Variants in IGSF10 observed in about 807,000 individuals in gnomAD.
IGSF10 encodes the protein calvaria mechanical force protein 608.
IGSF10 carries 126 observed loss-of-function variants against 128.2 expected under a neutral mutation model. The observed-to-expected ratio is 0.98, with a 90% confidence interval of 0.85 to 1.14. IGSF10 has a LOEUF of 1.14. Among genes scored for constraint, IGSF10 ranks in the 50% most tolerant of loss-of-function variants. The pLI, the probability that IGSF10 is intolerant of heterozygous loss-of-function variation, is 0.00. For synonymous variants in IGSF10, 1,185 were observed against 1,146.2 expected (o/e 1.03, Z -0.68); for missense variants, 3,295 against 3,149.8 (o/e 1.05, Z -1.10).
At position 151,437,391 on chromosome 3, in the gene IGSF10, T is replaced by C. The variant is rs1417277737; in HGVS notation, c.7170A>G (p.Ile2390Met). Residue 2390 changes from isoleucine to methionine, a missense_variant, in exon 8 of 8, where the codon ATA (isoleucine) becomes ATG (methionine). Coordinates refer to ENST00000282466, the MANE Select transcript of IGSF10 (RefSeq NM_178822.5). Reference protein sequence around the residue: ...SNGPQSYQYLIASNGSFIISK... With the variant: ...SNGPQSYQYLMASNGSFIISK... ...AAATGATAAAAGAACCATTGCTTGC[T>C]ATCAGATACTGATAACTTTGTGGTC... 1 of 1,614,090 alleles carries C rather than the reference T, an allele frequency of 6.2e-7. No homozygotes were observed. The highest frequency in any genetic ancestry group is 1.3e-5 in the African/African-American group (1 of 74,950).
chr3:151,448,600 G>C lies in IGSF10; in HGVS notation c.1381C>G (p.Pro461Ala). The change falls in exon 6 of 8, where the codon CCA becomes GCA. Residue 461 changes from proline (P) to alanine (A), a missense_variant. By Grantham distance (27) the Pro-to-Ala change is conservative. Coordinates refer to ENST00000282466, the MANE Select transcript of IGSF10 (RefSeq NM_178822.5). ...TTCACTGGCCTCATCTCTGCTCTTGGTAAAGTGATTTGAGCATCACTGGAG... is the reference window on the plus strand; with the variant it reads ...TTCACTGGCCTCATCTCTGCTCTTGCTAAAGTGATTTGAGCATCACTGGAG... ...QYSSDAQITLPRAEMRPVKHK... is the reference protein window; with the variant it reads ...QYSSDAQITLARAEMRPVKHK... 1.2e-6 allele frequency: 2 copies of C among 1,613,880 alleles called. No homozygotes were observed. Among genetic ancestry groups the C allele is most frequent in the Non-Finnish European group, 1.7e-6 (2 of 1,179,868 alleles).
At chr3:151,606,769 A>G in the IGSF10 span, among the ~76,000 whole-genome samples, 1 of 152,128 alleles carries the variant, frequency 6.6e-6, no homozygotes, top group African/African-American at 2.4e-5. Flanking sequence ...GCTGGTTCCA[A>G]TTCCTAATGC....
Position 151,443,280 on chromosome 3 carries a change from A to C in IGSF10, c.5667T>G (p.Phe1889Leu). 6.2e-7 allele frequency: 1 copy of C among 1,612,394 alleles called. No individual in the cohort carries two copies. The highest frequency in any genetic ancestry group is 8.5e-7 in the Non-Finnish European group (1 of 1,178,960). Reference sequence around the variant, plus strand: ...AAAATAAGAACAACTTGGAATTGGTAAACTGTAATGGTTTCACTTCAGTGC... The same window carrying C: ...AAAATAAGAACAACTTGGAATTGGTCAACTGTAATGGTTTCACTTCAGTGC... The part of the protein sequence containing the change: ...SDGTEVKPLQ[F>L]TNSKLFLFSN... The change falls in exon 7 of 8, where the codon TTT becomes TTG. Residue 1889 changes from phenylalanine (F) to leucine (L), a missense_variant. Physicochemically the swap from Phe to Leu is conservative, Grantham distance 22. Transcript: ENST00000282466.
At chr3:151,594,717 G>A in the IGSF10 span, among the ~76,000 whole-genome samples, 1 of 151,160 alleles carries the variant, frequency 6.6e-6, no homozygotes, top group South Asian at 2.1e-4. Context: ...AGCATAGTAG[G>A]GTGACTATAG....
At chr3:151,579,897 A>G in the IGSF10 span, among the ~76,000 whole-genome samples, 1 of 151,640 alleles carries the variant, frequency 6.6e-6, no homozygotes, top group Admixed American at 6.6e-5. Context: ...GAAGGAAGGA[A>G]GGAAGGAAGG....
chr3:151,513,158 CAA>C, the IGSF10 span, among the ~76,000 whole-genome samples: 5 of 151,322 alleles, frequency 3.3e-5, no homozygotes, highest in East Asian at 1.9e-4. Context: ...AGAGACACAA[CAA>C]AAAAAAGAGA....
At chr3:151,491,209 A>C in the IGSF10 span, among the ~76,000 whole-genome samples, 1 of 152,242 alleles carries the variant, frequency 6.6e-6, no homozygotes. Flanking sequence ...AAGGGATTAT[A>C]AATGAACAAC....
chr3:151,582,722 C>A, the IGSF10 span, among the ~76,000 whole-genome samples: 1 of 152,256 alleles, frequency 6.6e-6, no homozygotes, highest in East Asian at 1.9e-4. Context: ...CTCTATCAAA[C>A]TGCATCTATT....
At chr3:151,496,133 G>A in the IGSF10 span, among the ~76,000 whole-genome samples, 8 of 152,034 alleles carry the variant, frequency 5.3e-5, no homozygotes, top group Non-Finnish European at 5.9e-5. Flanking sequence ...TGGCTTGTAT[G>A]TACACGTGGT....
At chr3:151,502,795 C>T in the IGSF10 span, among the ~76,000 whole-genome samples, 3 of 152,062 alleles carry the variant, frequency 2.0e-5, no homozygotes, top group Non-Finnish European at 4.4e-5. Context: ...TTAAAATCTA[C>T]GAAGAGCTAA....
At chr3:151,466,014 G>A (rs62284466), upstream of IGSF10, among the ~76,000 whole-genome samples, 26,398 of 152,088 alleles carry the variant, frequency 0.17, 2,375 homozygotes, top group Middle Eastern at 0.2. Flanking sequence ...TCTGATTTCT[G>A]TATATCATTT....
chr3:151,616,354 T>G, the IGSF10 span, among the ~76,000 whole-genome samples: 1 of 152,240 alleles, frequency 6.6e-6, no homozygotes, highest in East Asian at 1.9e-4. Context: ...ATAATGCCAA[T>G]TAAGTGTAAC....
the IGSF10 span, among the ~76,000 whole-genome samples, chr3:151,492,628 G>A: frequency 5.5e-4 from 84 of 152,208 alleles, no homozygotes; most frequent in African/African-American, 1.9e-3. Flanking sequence ...TGAGGCAGGA[G>A]AATCACTGGA....
At chr3:151,551,661 TTACA>T in the IGSF10 span, among the ~76,000 whole-genome samples, 4 of 96,770 alleles carry the variant, frequency 4.1e-5, no homozygotes, top group African/African-American at 1.9e-4. Context: ...AACATGGGCA[TTACA>T]CACACACACA....
the IGSF10 span, among the ~76,000 whole-genome samples, chr3:151,474,620 T>C: frequency 2.0e-5 from 3 of 152,292 alleles, no homozygotes; most frequent in Admixed American, 6.5e-5. Flanking sequence ...CTGCCTATAT[T>C]GTATAAACCT....
chr3:151,525,026 TTTTTTTTTTTTTTTTTTTA>T, the IGSF10 span, among the ~76,000 whole-genome samples: 343 of 107,984 alleles, frequency 3.2e-3, 3 homozygotes, highest in African/African-American at 8.3e-3. Context: ...TTTTTTTTTT[TTTTTTTTTTTTTTTTTTTA>T]AAGAGAGCCT....
chr3:151,603,443 G>A, the IGSF10 span, among the ~76,000 whole-genome samples: 1 of 152,190 alleles, frequency 6.6e-6, no homozygotes, highest in Non-Finnish European at 1.5e-5. Context: ...TTTTATTTCA[G>A]TTCTTCTAAG....
chr3:151,591,760 G>C, the IGSF10 span, among the ~76,000 whole-genome samples: 90 of 152,182 alleles, frequency 5.9e-4, no homozygotes, highest in African/African-American at 2.2e-3. Flanking sequence ...AAATATATAA[G>C]ATTGGCTATG....
At chr3:151,504,535 C>A in the IGSF10 span, among the ~76,000 whole-genome samples, 2 of 152,136 alleles carry the variant, frequency 1.3e-5, no homozygotes, top group Admixed American at 1.3e-4. Flanking sequence ...AAGTCTATTT[C>A]CTATTTTAAA....
Sources: allele counts gnomAD v4.1 joint callset (sites outside exome capture counted in the v4.1 genomes callset), GRCh38; gene constraint gnomAD v4.1.1; transcripts MANE v1.5; gene names NCBI Gene and HGNC (gene_info 2026-07-23, HGNC 2026-07-21).